The following DOCK4 variants were observed in gnomAD, a reference collection of about 807,000 sequenced individuals.
DOCK4 encodes the protein dedicator of cytokinesis protein 4.
DOCK4 carries 97 observed loss-of-function variants against 268.1 expected under a neutral mutation model. That is an observed-to-expected ratio of 0.36 (90% CI 0.31 to 0.43). The LOEUF (loss-of-function observed/expected upper bound fraction) is 0.43, where lower values mean the gene tolerates loss of function less well. Among genes scored for constraint, DOCK4 ranks in the 20% least tolerant of loss-of-function variants. The pLI, the probability that DOCK4 is intolerant of heterozygous loss-of-function variation, is 1.00. For synonymous variants in DOCK4, 954 were observed against 887.2 expected (o/e 1.08, Z -1.34); for missense variants, 2,145 against 2,455.7 (o/e 0.87, Z 2.67).
At chr7:112,067,494 G>A (rs1311237872) in intron 1 of DOCK4, among the ~76,000 whole-genome samples, 1 of 152,090 alleles carries the variant, frequency 6.6e-6, no homozygotes, top group African/African-American at 2.4e-5. Context: ...AGTTTTAAAG[G>A]AGTAAAAAAT....
rs77158426 is a variant in DOCK4 at position 111,735,252 on chromosome 7, C to T, written c.5306-85G>A. On this transcript the variant is annotated intron_variant, in intron 50 of 52. Transcript: ENST00000428084. ...GATCTTAGAAGAAAGTCAGAATTAT[C>T]CAGAATGAAAAACTTAACTGGATGA... 5,867 of 933,580 alleles carry T rather than the reference C, an allele frequency of 6.3e-3. 36 individuals carry two copies. Among genetic ancestry groups the T allele is most frequent in the African/African-American group, 0.023 (1,343 of 59,154 alleles). 57.8% of individuals were successfully genotyped at this position (933,580 alleles called of 1,614,324 possible).
chr7:111,997,270 A>C (rs1800043928), intron 4 of DOCK4, among the ~76,000 whole-genome samples: 1 of 152,262 alleles, frequency 6.6e-6, no homozygotes, highest in Admixed American at 6.5e-5. Flanking sequence ...ACACTTCCAA[A>C]GGACACACAT....
chr7:111,896,486 G>GCTTTTTTTTTTT (rs750840339), intron 15 of DOCK4, among the ~76,000 whole-genome samples: 2 of 134,006 alleles, frequency 1.5e-5, no homozygotes, highest in Non-Finnish European at 3.1e-5. Context: ...TTTCCACCAA[G>GCTTTTTTTTTTT]GTTTTTTTTT....
intron 20 of DOCK4, 94 bp downstream of exon 20, chr7:111,871,896 A>G: frequency 1.0e-6 from 1 of 979,838 alleles, no homozygotes; most frequent in Admixed American, 2.9e-5. Context: ...ATTTCTTCCT[A>G]CACTCCCTTT....
At chr7:112,083,546 A>G (rs1031485899) in intron 1 of DOCK4, among the ~76,000 whole-genome samples, 1 of 152,098 alleles carries the variant, frequency 6.6e-6, no homozygotes. Flanking sequence ...TTTGGAACAA[A>G]ATGATTAAGG....
At chr7:112,151,640 A>G (rs923329351) in intron 1 of DOCK4, among the ~76,000 whole-genome samples, 1 of 152,116 alleles carries the variant, frequency 6.6e-6, no homozygotes, top group Non-Finnish European at 1.5e-5. Context: ...AAATCTGGCA[A>G]ACATGAAGTT....
chr7:112,070,837 C>A lies in DOCK4; in HGVS notation c.38-66706G>T, dbSNP rs150481379. On this transcript the variant is annotated intron_variant, in intron 1 of 52. Transcript: ENST00000428084. Reference sequence around the variant, plus strand: ...CTGCCTTTCTCCTCCTCCTCCTATTCCCTGGAGCTTCATGAGTTTGCTCAG... The same window carrying A: ...CTGCCTTTCTCCTCCTCCTCCTATTACCTGGAGCTTCATGAGTTTGCTCAG... Among the ~76,000 whole-genome samples, 428 of 152,290 alleles carry A rather than the reference C, an allele frequency of 2.8e-3. 3 individuals are homozygous for A. Among genetic ancestry groups the A allele is most frequent in the African/African-American group, 0.01 (417 of 41,570 alleles).
chr7:111,822,363 T>C lies in DOCK4; in HGVS notation c.2929A>G (p.Asn977Asp). 8 of 1,612,222 alleles carry C rather than the reference T, an allele frequency of 5.0e-6. No individual in the cohort carries two copies. The highest frequency in any genetic ancestry group is 6.8e-6 in the Non-Finnish European group (8 of 1,178,878). Residue 977 changes from asparagine (N) to aspartate (D), a missense_variant and splice_region_variant, in exon 27 of 53, where the codon AAT becomes GAT. By Grantham distance (23) the Asn-to-Asp change is conservative (BLOSUM62 1). This residue lies in a region of DOCK4 where 1,598 missense variants were observed against 1,986.7 expected (regional missense o/e 0.80). Transcript: ENST00000428084. ...DWTVMRLVAN[N>D]VIITTVLYLS... ...TTATCATCAACTTAAATGTCTTACTTGTTAGCAACCAAGCGCATAACAGTC... is the reference window on the plus strand; with the variant it reads ...TTATCATCAACTTAAATGTCTTACTCGTTAGCAACCAAGCGCATAACAGTC...
At chr7:111,885,640 C>T (rs918115646) in intron 16 of DOCK4, among the ~76,000 whole-genome samples, 7 of 152,138 alleles carry the variant, frequency 4.6e-5, no homozygotes, top group Non-Finnish European at 8.8e-5. Flanking sequence ...GGGAACAAAA[C>T]GATGTCACTG....
intron 1 of DOCK4, among the ~76,000 whole-genome samples, chr7:112,167,622 C>A (rs1419509400): frequency 8.5e-5 from 13 of 152,170 alleles, no homozygotes. Context: ...AAGAATTGAT[C>A]ATCAAAACTG....
chr7:111,844,702 T>C, intron 25 of DOCK4, 61 bp downstream of exon 25: 5 of 1,542,114 alleles, frequency 3.2e-6, no homozygotes, highest in Non-Finnish European at 4.4e-6. Flanking sequence ...TCAAGCCACC[T>C]GCAACGTGAC....
At chr7:111,992,738 C>A (rs983720222) in intron 5 of DOCK4, among the ~76,000 whole-genome samples, 3 of 152,158 alleles carry the variant, frequency 2.0e-5, no homozygotes, top group Non-Finnish European at 4.4e-5. Flanking sequence ...TGTTTGTGTT[C>A]TAGTTCAGCT....
At chr7:112,133,911 A>AC (rs1814058944) in intron 1 of DOCK4, among the ~76,000 whole-genome samples, 2 of 151,502 alleles carry the variant, frequency 1.3e-5, no homozygotes, top group African/African-American at 4.9e-5. Flanking sequence ...TTGTGAAATA[A>AC]TTTTTTTTTA....
intron 42 of DOCK4, among the ~76,000 whole-genome samples, chr7:111,751,857 ATCT>A (rs1336651397): frequency 3.9e-5 from 6 of 152,008 alleles, no homozygotes; most frequent in Non-Finnish European, 5.9e-5. Context: ...GGCTCCAGTG[ATCT>A]TCTGGCCTCA....
intron 1 of DOCK4, among the ~76,000 whole-genome samples, chr7:112,148,886 AC>A (rs1225948965): frequency 1.3e-5 from 2 of 152,148 alleles, no homozygotes; most frequent in Non-Finnish European, 2.9e-5. Context: ...AAACCACTGG[AC>A]AAAAGAGGTA....
intron 47 of DOCK4, chr7:111,739,819 C>A: frequency 5.7e-6 from 2 of 348,470 alleles, no homozygotes; most frequent in South Asian, 2.5e-5. Context: ...ATAAAATATG[C>A]CTTCTTGTTA....
At chr7:111,801,094 G>A (rs1017766896) in intron 30 of DOCK4, among the ~76,000 whole-genome samples, 3 of 152,140 alleles carry the variant, frequency 2.0e-5, no homozygotes, top group Admixed American at 6.5e-5. Context: ...GCAATATGGC[G>A]ATTCCTACCA....
chr7:112,001,652 G>C (rs1269195456), intron 2 of DOCK4, among the ~76,000 whole-genome samples: 1 of 152,008 alleles, frequency 6.6e-6, no homozygotes, highest in South Asian at 2.1e-4. Flanking sequence ...CTAAAATCTA[G>C]GTAAAAATGA....
chr7:111,905,651 C>A (rs890366981), intron 13 of DOCK4, among the ~76,000 whole-genome samples: 2 of 150,954 alleles, frequency 1.3e-5, no homozygotes, highest in South Asian at 2.1e-4. Context: ...ACTGTCCCAG[C>A]GGCTTTATCT....
Sources: gnomAD v4.1 joint callset for allele counts (sites outside exome capture counted in the v4.1 genomes callset) on GRCh38, gnomAD v4.1.1 for gene constraint, gnomAD v4.1.1 regional missense constraint, MANE v1.5 for transcripts, NCBI Gene and HGNC (gene_info 2026-07-23, HGNC 2026-07-21) for gene names.